SHANK2: variants seen among roughly 807,000 people sequenced by gnomAD.
SHANK2 encodes the protein SH3 and multiple ankyrin repeat domains protein 2.
In SHANK2, 43 loss-of-function variants were observed where a neutral mutation model predicts 133.7. The ratio of observed to expected loss-of-function variants is 0.32; its 90% CI spans 0.25 to 0.41. SHANK2 has a LOEUF of 0.41. SHANK2 is among the 10% of genes least tolerant of loss of function. The probability of loss-of-function intolerance (pLI) is 1.00; values close to 1 mark genes in which losing one functional copy is unlikely to be tolerated. For missense variants in SHANK2, 1,994 were observed against 2,235.8 expected (o/e 0.89, Z 2.18); for synonymous variants, 1,017 against 952.8 (o/e 1.07, Z -1.24).
chr11:70,745,887 C>T (rs548905650), intron 14 of SHANK2, among the ~76,000 whole-genome samples: 30 of 152,342 alleles, frequency 2.0e-4, no homozygotes, highest in African/African-American at 5.8e-4. Flanking sequence ...CTCGAGCGAG[C>T]GTTATTCCTT....
rs191107719 is a variant in SHANK2, at chr11:71,146,629, G to A, written c.207+491C>T. On this transcript the variant is annotated intron_variant, in intron 3 of 25. Transcript: ENST00000601538. ...AGGAGGAGGCGGACAGCAGCCACGC[G>A]GGAAGGAGTGCTCAGGGCTGTACCC... Among the ~76,000 whole-genome samples, 21 of 152,332 alleles carry A rather than the reference G, an allele frequency of 1.4e-4. No individual in the cohort carries two copies. In the East Asian group the frequency reaches 2.1e-3, roughly 15 times the overall value.
chr11:70,546,097 A>ATTTTT (rs57144719), intron 17 of SHANK2, among the ~76,000 whole-genome samples: 31 of 137,536 alleles, frequency 2.3e-4, no homozygotes, highest in Non-Finnish European at 3.1e-4. Flanking sequence ...TATTTATTTA[A>ATTTTT]TTTTTTTTTT....
At chr11:70,913,339 TA>T (rs1950223758) in intron 10 of SHANK2, among the ~76,000 whole-genome samples, 1 of 152,110 alleles carries the variant, frequency 6.6e-6, no homozygotes, top group Non-Finnish European at 1.5e-5. Flanking sequence ...CTCTATGTGC[TA>T]AAATGGATGG....
chr11:71,127,453 A>C (rs1952214077), intron 3 of SHANK2, among the ~76,000 whole-genome samples: 1 of 152,220 alleles, frequency 6.6e-6, no homozygotes, highest in Non-Finnish European at 1.5e-5. Flanking sequence ...TTCGTGAGTC[A>C]ATTAATGCAG....
chr11:70,501,704 C>G (rs1378980961), intron 20 of SHANK2, among the ~76,000 whole-genome samples: 4 of 152,238 alleles, frequency 2.6e-5, no homozygotes, highest in Admixed American at 1.3e-4. Flanking sequence ...AGACCTTACA[C>G]AAAGGTGCCG....
At chr11:70,788,892 C>T (rs1227476595) in intron 14 of SHANK2, among the ~76,000 whole-genome samples, 1 of 152,204 alleles carries the variant, frequency 6.6e-6, no homozygotes, top group Admixed American at 6.5e-5. Context: ...GGAGGAAACA[C>T]ATGCCAGCCT....
At chr11:70,560,638 G>T (rs1454031830) in intron 17 of SHANK2, among the ~76,000 whole-genome samples, 4 of 145,042 alleles carry the variant, frequency 2.8e-5, no homozygotes, top group Non-Finnish European at 3.0e-5. Flanking sequence ...TTTTTCGTTT[G>T]TTTTTTTTTT....
chr11:70,613,946 G>C (rs1418122131), intron 17 of SHANK2, among the ~76,000 whole-genome samples: 1 of 152,060 alleles, frequency 6.6e-6, no homozygotes, highest in East Asian at 1.9e-4. Context: ...TGCATTTTTA[G>C]TAGAGACAGG....
intron 1 of SHANK2, among the ~76,000 whole-genome samples, chr11:71,243,550 T>C (rs1432353349): frequency 1.3e-5 from 2 of 152,052 alleles, no homozygotes; most frequent in Non-Finnish European, 2.9e-5. Context: ...AAAAAATTAG[T>C]TGGGCCTGGT....
At chr11:71,080,101 G>A (rs1370437166) in intron 8 of SHANK2, among the ~76,000 whole-genome samples, 1 of 152,174 alleles carries the variant, frequency 6.6e-6, no homozygotes, top group Non-Finnish European at 1.5e-5. Flanking sequence ...GTCTCTGGCT[G>A]TTGAGACAGC....
chr11:70,784,637 C>A (rs1476419525), intron 14 of SHANK2, among the ~76,000 whole-genome samples: 1 of 152,112 alleles, frequency 6.6e-6, no homozygotes, highest in African/African-American at 2.4e-5. Flanking sequence ...TCCGCATTTG[C>A]CATTGACCAG....
At position 70,598,619 on chromosome 11, in the gene SHANK2, G is replaced by A. The variant is rs1172636325; in HGVS notation, c.2061+61209C>T. ...GTTGGAAAAGAATGGCCTCAGAAAG[G>A]AAAATTACAGACAAATCTCACTCAT... On this transcript the variant is annotated intron_variant, in intron 17 of 25. Transcript: ENST00000601538. Among the ~76,000 whole-genome samples, 17 of 152,256 alleles carry A rather than the reference G, an allele frequency of 1.1e-4. 1 individual carries two copies. The South Asian group carries it at 3.1e-3, about 28-fold the overall frequency.
At chr11:70,651,781 G>C (rs79645885) in intron 17 of SHANK2, among the ~76,000 whole-genome samples, 2,113 of 152,342 alleles carry the variant, frequency 0.014, 47 homozygotes, top group African/African-American at 0.048. Flanking sequence ...GACCCTGGCT[G>C]AAGAATTCAG....
At chr11:71,236,101 C>T (rs990072074) in intron 1 of SHANK2, among the ~76,000 whole-genome samples, 2 of 151,704 alleles carry the variant, frequency 1.3e-5, no homozygotes, top group Non-Finnish European at 3.0e-5. Context: ...AAGGCAGGAC[C>T]GGACTGAGGG....
intron 14 of SHANK2, among the ~76,000 whole-genome samples, chr11:70,741,324 C>A (rs1946522470): frequency 2.0e-5 from 3 of 149,520 alleles, no homozygotes; most frequent in African/African-American, 7.5e-5. Context: ...TCCATGCATC[C>A]AACTACCCAT....
intron 2 of SHANK2, among the ~76,000 whole-genome samples, chr11:71,209,530 C>T (rs142075013): frequency 1.3e-5 from 2 of 152,290 alleles, no homozygotes; most frequent in Non-Finnish European, 2.9e-5. Context: ...AGCCATGGTG[C>T]CCCCTCCCAC....
rs149393305 is a variant in SHANK2 at position 71,135,574 on chromosome 11, C to A, written c.207+11546G>T. ...CAATCTCAGCTCACTGCAACCTCCA[C>A]CTCCCAGGTTCAAGCAATTCTCGTG... On this transcript the variant is annotated intron_variant, in intron 3 of 25. Coordinates refer to ENST00000601538, the MANE Select transcript of SHANK2 (RefSeq NM_012309.5). 2.0e-5 allele frequency among the ~76,000 whole-genome samples: 3 copies of A among 151,164 alleles called. No homozygotes were observed. In the East Asian group the frequency reaches 5.8e-4, roughly 29 times the overall value.
chr11:70,840,860 T>C (rs1555061486), intron 11 of SHANK2, among the ~76,000 whole-genome samples: 4 of 152,152 alleles, frequency 2.6e-5, no homozygotes, highest in Non-Finnish European at 5.9e-5. Flanking sequence ...GAGATGCTGA[T>C]GAGGCCACCC....
At chr11:71,147,485 A>G in intron 2 of SHANK2, 147 bp from the exon 3 acceptor site, 1 of 529,312 alleles carries the variant, frequency 1.9e-6, no homozygotes, top group Non-Finnish European at 3.1e-6. Flanking sequence ...CGAGGGCCCC[A>G]GGTATGCACA....
Sources: allele counts gnomAD v4.1 joint callset (sites outside exome capture counted in the v4.1 genomes callset), GRCh38; gene constraint gnomAD v4.1.1; transcripts MANE v1.5; gene names NCBI Gene and HGNC (gene_info 2026-07-23, HGNC 2026-07-21).